DNAJC3: variants seen among roughly 807,000 people sequenced by gnomAD.
DNAJC3 encodes dnaJ homolog subfamily C member 3.
A neutral mutation model predicts 68.6 loss-of-function variants in DNAJC3; 38 were observed. That is an observed-to-expected ratio of 0.55 (90% CI 0.43 to 0.73). DNAJC3 has a LOEUF of 0.73. DNAJC3 is among the 30% of genes least tolerant of loss of function. The pLI is 0.00. For missense variants in DNAJC3, 526 were observed against 591.9 expected (o/e 0.89, Z 1.16); for synonymous variants, 203 against 204.0 (o/e 1.00, Z 0.04).
chr13:95,765,279 A>G (rs1703558826), intron 9 of DNAJC3, among the ~76,000 whole-genome samples: 1 of 152,002 alleles, frequency 6.6e-6, no homozygotes, highest in South Asian at 2.1e-4. Flanking sequence ...AGATGGTTTT[A>G]CTCTAGGATT....
chr13:95,688,965 T>TGTGTGTGTGTGC (rs1491401957), intron 1 of DNAJC3, among the ~76,000 whole-genome samples: 14 of 131,014 alleles, frequency 1.1e-4, no homozygotes, highest in African/African-American at 3.7e-4. Context: ...TGTGTGTGTG[T>TGTGTGTGTGTGC]GCGCGCTGTT....
chr13:95,720,246 T>C (rs897307779), intron 2 of DNAJC3, among the ~76,000 whole-genome samples: 1 of 152,226 alleles, frequency 6.6e-6, no homozygotes, highest in African/African-American at 2.4e-5. Context: ...TTTGGACATA[T>C]GAAATTGATG....
At chr13:95,689,066 C>A (rs1880154226) in intron 1 of DNAJC3, among the ~76,000 whole-genome samples, 2 of 150,188 alleles carry the variant, frequency 1.3e-5, no homozygotes, top group Non-Finnish European at 1.5e-5. Flanking sequence ...GGTTGTCTTG[C>A]CTCATTTTGG....
intron 9 of DNAJC3, among the ~76,000 whole-genome samples, chr13:95,777,370 C>A (rs74670365): frequency 6.6e-6 from 1 of 152,130 alleles, no homozygotes; most frequent in Non-Finnish European, 1.5e-5. Flanking sequence ...GCCCTGGCAC[C>A]CAGTGCACCT....
Position 95,760,799 on chromosome 13 carries a change from G to A in DNAJC3, c.848+1G>A. On this transcript the variant is annotated splice_donor_variant, in intron 7 of 11. Coordinates refer to ENST00000602402, the MANE Select transcript of DNAJC3 (RefSeq NM_006260.5). LOFTEE classifies it high-confidence loss of function. The stretch of plus-strand genomic sequence containing the variant: ...CTGAAGAGCTCATCAGAGATGGCAG[G>A]TGAGAATATGGTTGTTCCAACTGTC... 1.2e-6 allele frequency: 2 copies of A among 1,610,464 alleles called. No individual in the cohort carries two copies. Among genetic ancestry groups the A allele is most frequent in the Non-Finnish European group, 1.7e-6 (2 of 1,178,264 alleles).
chr13:95,734,305 G>A (rs887618206), intron 4 of DNAJC3, among the ~76,000 whole-genome samples: 1 of 152,080 alleles, frequency 6.6e-6, no homozygotes, highest in Non-Finnish European at 1.5e-5. Flanking sequence ...TAGTATTGTT[G>A]GTTGACAGTT....
chr13:95,757,377 G>A (rs758730686), intron 4 of DNAJC3, among the ~76,000 whole-genome samples: 1 of 152,054 alleles, frequency 6.6e-6, no homozygotes, highest in African/African-American at 2.4e-5. Flanking sequence ...GTCCTTTCAC[G>A]TGCCTACATG....
At chr13:95,681,442 C>G (rs1879907806) in intron 1 of DNAJC3, among the ~76,000 whole-genome samples, 1 of 152,160 alleles carries the variant, frequency 6.6e-6, no homozygotes, top group Non-Finnish European at 1.5e-5. Flanking sequence ...GCTTGACCTC[C>G]TGGGCTCAAG....
chr13:95,751,770 G>GA (rs1350645626), intron 4 of DNAJC3, among the ~76,000 whole-genome samples: 1 of 152,184 alleles, frequency 6.6e-6, no homozygotes, highest in African/African-American at 2.4e-5. Context: ...AATTTATAAA[G>GA]GAAAGAGGTT....
At chr13:95,773,306 G>A (rs373997601) in intron 9 of DNAJC3, among the ~76,000 whole-genome samples, 1 of 151,902 alleles carries the variant, frequency 6.6e-6, no homozygotes, top group East Asian at 1.9e-4. Flanking sequence ...AAGTAGCTGG[G>A]ACTACAGGTG....
At chr13:95,712,800 A>T (rs1881014166) in intron 2 of DNAJC3, among the ~76,000 whole-genome samples, 1 of 152,190 alleles carries the variant, frequency 6.6e-6, no homozygotes, top group Non-Finnish European at 1.5e-5. Flanking sequence ...GTTATTGGGA[A>T]ATTACAGTTT....
chr13:95,747,090 CATTTCAT>C (rs1280135171), intron 4 of DNAJC3, among the ~76,000 whole-genome samples: 1 of 152,170 alleles, frequency 6.6e-6, no homozygotes, highest in Admixed American at 6.5e-5. Flanking sequence ...TTTAAATAGT[CATTTCAT>C]ATAACTTAGA....
chr13:95,780,455 CAT>C (rs1189960012), intron 9 of DNAJC3, among the ~76,000 whole-genome samples: 1 of 152,192 alleles, frequency 6.6e-6, no homozygotes, highest in African/African-American at 2.4e-5. Context: ...AGCGCATACT[CAT>C]AGAAGGTGTA....
Position 95,677,189 on chromosome 13 carries a change from G to A in DNAJC3, c.-67G>A, listed in dbSNP as rs1366841698. The A allele has an allele frequency of 2.7e-6, 4 of 1,490,874 alleles. No homozygotes were observed. The African/African-American group carries it at 4.3e-5, about 16-fold the overall frequency. The allele number at this position is 1,490,874 out of a possible 1,614,324, so 92.4% of individuals were successfully genotyped here. A position where few individuals can be genotyped will look rare whatever the true frequency, so the allele number is the denominator to read the frequency against. The stretch of plus-strand genomic sequence containing the variant: ...CCGACGGCGGGCGGGCGCAGCTGCT[G>A]CCGGAGCGCCGGCGCGTGCTGGTGG... On this transcript the variant is annotated 5_prime_UTR_variant, in exon 1 of 12. Coordinates refer to ENST00000602402, the MANE Select transcript of DNAJC3 (RefSeq NM_006260.5).
rs902620856 is a variant in DNAJC3 at position 95,763,685 on chromosome 13, A to G, written c.891A>G (p.Thr297=). The change falls in exon 8 of 12, where the codon ACA becomes ACG. Residue 297 remains threonine (T), a synonymous_variant. Coordinates refer to ENST00000602402, the MANE Select transcript of DNAJC3 (RefSeq NM_006260.5). Reference sequence around the variant, plus strand: ...GCAAATATGAATCTGTCATGAAAACAGAGCCAAGCATTGCTGAATATACAG... The same window carrying G: ...GCAAATATGAATCTGTCATGAAAACGGAGCCAAGCATTGCTGAATATACAG... The part of the protein sequence containing the change: ...ATSKYESVMK[T]EPSIAEYTVR... 2.5e-6 allele frequency: 4 copies of G among 1,613,898 alleles called. No homozygotes were observed. Among genetic ancestry groups the G allele is most frequent in the Non-Finnish European group, 3.4e-6 (4 of 1,179,910 alleles).
At chr13:95,684,270 C>A (rs968612000) in intron 1 of DNAJC3, among the ~76,000 whole-genome samples, 7 of 152,120 alleles carry the variant, frequency 4.6e-5, no homozygotes, top group African/African-American at 1.7e-4. Context: ...GGAGTAAAGG[C>A]CACTCTTGCT....
intron 2 of DNAJC3, among the ~76,000 whole-genome samples, chr13:95,722,086 C>G (rs1316951065): frequency 2.0e-5 from 3 of 151,862 alleles, no homozygotes; most frequent in Admixed American, 6.5e-5. Context: ...GCTTCTATTT[C>G]CAAATGCTTT....
chr13:95,776,305 A>C (rs1883290453), intron 9 of DNAJC3, among the ~76,000 whole-genome samples: 1 of 152,166 alleles, frequency 6.6e-6, no homozygotes, highest in Non-Finnish European at 1.5e-5. Context: ...TAAACTATTA[A>C]TTAGGGTAAG....
rs1035568265 is a variant in DNAJC3 at position 95,794,442 on chromosome 13, G to A, written c.*3412G>A. The A allele has an allele frequency of 6.6e-6, 1 of 152,208 alleles. No individual in the cohort carries two copies. Among genetic ancestry groups the A allele is most frequent in the Non-Finnish European group, 1.5e-5 (1 of 68,038 alleles). The allele number at this position is 152,208 out of a possible 1,614,324, so 9.4% of individuals were successfully genotyped here. On this transcript the variant is annotated 3_prime_UTR_variant, in exon 12 of 12. Coordinates refer to ENST00000602402, the MANE Select transcript of DNAJC3 (RefSeq NM_006260.5). The stretch of plus-strand genomic sequence containing the variant: ...AATGGTATCACCTAGAGAAGTTCAC[G>A]CAACTTTGTTGAATGTAGTTGACTT...
Sources: allele counts gnomAD v4.1 joint callset (sites outside exome capture counted in the v4.1 genomes callset), GRCh38; gene constraint gnomAD v4.1.1; transcripts MANE v1.5; gene names NCBI Gene and HGNC (gene_info 2026-07-23, HGNC 2026-07-21).